Variants in CSMD1 observed in about 807,000 individuals in gnomAD.
CSMD1 encodes the protein CUB and Sushi multiple domains 1.
In CSMD1, 213 loss-of-function variants were observed where a neutral mutation model predicts 417.5. The ratio of observed to expected loss-of-function variants is 0.51; its 90% CI spans 0.46 to 0.57. The LOEUF (loss-of-function observed/expected upper bound fraction) is 0.57, where lower values mean the gene tolerates loss of function less well. CSMD1 is among the 20% of genes least tolerant of loss of function. The pLI is 0.00. For synonymous variants in CSMD1, 2,862 were observed against 1,736.8 expected (o/e 1.65, Z -16.11); for missense variants, 6,923 against 4,529.7 (o/e 1.53, Z -15.17).
chr8:4,522,875 C>T (rs1997138), intron 2 of CSMD1, among the ~76,000 whole-genome samples: 1 of 152,096 alleles, frequency 6.6e-6, no homozygotes, highest in African/African-American at 2.4e-5. Context: ...TACGTGTTCT[C>T]CAGGAGCTTA....
In CSMD1 at chr8:3,535,234, T is replaced by A. The variant is rs540533650; in HGVS notation, c.1344+39711A>T. On this transcript the variant is annotated intron_variant, in intron 10 of 69. Transcript: ENST00000635120. ...CTCCCAAGCTCTAGGATTACAGGCATGAGCCACCGCACCCAGCCACTGTGG... is the reference window on the plus strand; with the variant it reads ...CTCCCAAGCTCTAGGATTACAGGCAAGAGCCACCGCACCCAGCCACTGTGG... 1.2e-3 allele frequency among the ~76,000 whole-genome samples: 186 copies of A among 152,274 alleles called. 1 individual carries two copies. The highest frequency in any genetic ancestry group is 4.4e-3 in the African/African-American group (181 of 41,546).
intron 2 of CSMD1, among the ~76,000 whole-genome samples, chr8:4,532,346 G>C (rs1046221931): frequency 1.3e-5 from 2 of 148,632 alleles, no homozygotes; most frequent in Non-Finnish European, 3.0e-5. Context: ...CACTCTGAAA[G>C]AGAAATCCTG....
At chr8:4,875,211 T>G (rs1423684768) in intron 1 of CSMD1, among the ~76,000 whole-genome samples, 3 of 152,012 alleles carry the variant, frequency 2.0e-5, no homozygotes, top group Non-Finnish European at 4.4e-5. Flanking sequence ...CTTTAAAAGC[T>G]GAGAAGGAAA....
intron 2 of CSMD1, among the ~76,000 whole-genome samples, chr8:4,465,984 G>C (rs747116704): frequency 2.0e-5 from 3 of 152,148 alleles, no homozygotes; most frequent in Non-Finnish European, 4.4e-5. Flanking sequence ...GGACAGATGG[G>C]AAAAGACTGA....
intron 5 of CSMD1, among the ~76,000 whole-genome samples, chr8:3,884,281 T>C (rs1806405092): frequency 1.3e-5 from 2 of 152,188 alleles, no homozygotes; most frequent in African/African-American, 2.4e-5. Flanking sequence ...TAACATACAA[T>C]GGCCACTTGT....
At chr8:4,004,735 T>A (rs1194711967) in intron 4 of CSMD1, among the ~76,000 whole-genome samples, 1 of 152,032 alleles carries the variant, frequency 6.6e-6, no homozygotes, top group African/African-American at 2.4e-5. Context: ...TATTATTCTT[T>A]ATTCTTTTTT....
intron 5 of CSMD1, among the ~76,000 whole-genome samples, chr8:3,821,877 A>C (rs991154705): frequency 4.6e-5 from 7 of 152,208 alleles, no homozygotes; most frequent in African/African-American, 1.7e-4. Context: ...CACACGGAGA[A>C]GGTAAAAACC....
At chr8:4,743,032 C>A (rs551219399) in intron 1 of CSMD1, among the ~76,000 whole-genome samples, 1 of 152,238 alleles carries the variant, frequency 6.6e-6, no homozygotes, top group South Asian at 2.1e-4. Context: ...CAGCTATTTT[C>A]TAAGTGTTTT....
chr8:3,138,389 T>C (rs1818231607), intron 41 of CSMD1, among the ~76,000 whole-genome samples: 1 of 152,140 alleles, frequency 6.6e-6, no homozygotes, highest in Non-Finnish European at 1.5e-5. Flanking sequence ...CAGGGTTCCA[T>C]CCCAAGTGAC....
intron 6 of CSMD1, among the ~76,000 whole-genome samples, chr8:3,745,501 C>T (rs571862640): frequency 6.6e-6 from 1 of 152,340 alleles, no homozygotes; most frequent in South Asian, 2.1e-4. Flanking sequence ...TGCACGTGTA[C>T]AACAGGAAAC....
intron 5 of CSMD1, among the ~76,000 whole-genome samples, chr8:3,905,879 C>T (rs190852905): frequency 5.0e-4 from 76 of 152,344 alleles, no homozygotes; most frequent in Non-Finnish European, 7.9e-4. Flanking sequence ...CAGAAGGTTT[C>T]TGATCTCTTA....
chr8:3,758,968 C>T (rs904754242), intron 5 of CSMD1, among the ~76,000 whole-genome samples: 3 of 152,208 alleles, frequency 2.0e-5, no homozygotes, highest in Admixed American at 6.5e-5. Context: ...GAGGGCTTCA[C>T]CCTCTTGGCT....
chr8:4,141,921 A>G (rs558560574), intron 3 of CSMD1, among the ~76,000 whole-genome samples: 3 of 151,174 alleles, frequency 2.0e-5, no homozygotes, highest in Non-Finnish European at 4.4e-5. Context: ...AGAGTGTGAT[A>G]TTTGCTATGC....
At chr8:3,503,222 A>T (rs1285123189) in intron 10 of CSMD1, among the ~76,000 whole-genome samples, 1 of 152,244 alleles carries the variant, frequency 6.6e-6, no homozygotes, top group African/African-American at 2.4e-5. Flanking sequence ...AGTTAGAAAA[A>T]TATGTCATTA....
chr8:3,386,750 A>G (rs1461880800), intron 18 of CSMD1, among the ~76,000 whole-genome samples: 2 of 152,200 alleles, frequency 1.3e-5, no homozygotes, highest in Non-Finnish European at 2.9e-5. Flanking sequence ...GTTTTTCTGC[A>G]GAAACAATGT....
At chr8:4,593,024 G>C (rs973496711) in intron 2 of CSMD1, among the ~76,000 whole-genome samples, 1 of 152,020 alleles carries the variant, frequency 6.6e-6, no homozygotes, top group Admixed American at 6.5e-5. Context: ...TTTCTTATTG[G>C]TCTACATGCT....
chr8:3,380,161 G>C (rs185816686), intron 18 of CSMD1, among the ~76,000 whole-genome samples: 128 of 152,326 alleles, frequency 8.4e-4, no homozygotes, highest in African/African-American at 3.0e-3. Context: ...CTGGTCATTA[G>C]AGAAATGCAC....
At chr8:4,990,773 G>C (rs765079653) in intron 1 of CSMD1, among the ~76,000 whole-genome samples, 1 of 152,082 alleles carries the variant, frequency 6.6e-6, no homozygotes, top group Non-Finnish European at 1.5e-5. Context: ...CCATAAAGGA[G>C]TCTGACCTGC....
rs371511840 is a variant in CSMD1, at chr8:3,159,358, G to C, written c.5845-1392C>G. ...TATTTACTAGTTTTTACACCAATGG[G>C]AATTTTCTTTTTTATGTTTAAAAAG... On this transcript the variant is annotated intron_variant, in intron 38 of 69. Transcript: ENST00000635120. Among the ~76,000 whole-genome samples, 14 of 152,230 alleles carry C rather than the reference G, an allele frequency of 9.2e-5. 1 individual carries two copies. The East Asian group carries it at 1.2e-3, about 13-fold the overall frequency.
Sources: gnomAD v4.1 joint callset for allele counts (sites outside exome capture counted in the v4.1 genomes callset) on GRCh38, gnomAD v4.1.1 for gene constraint, MANE v1.5 for transcripts, NCBI Gene and HGNC (gene_info 2026-07-23, HGNC 2026-07-21) for gene names.